The following TRPS1 variants were observed in gnomAD, a reference collection of about 807,000 sequenced individuals.
TRPS1 encodes the protein transcriptional repressor GATA binding 1, also known as zinc finger transcription factor Trps1.
In TRPS1, 6 loss-of-function variants were observed where a neutral mutation model predicts 101.2. The ratio of observed to expected loss-of-function variants is 0.06; its 90% CI spans 0.03 to 0.12. TRPS1 has a LOEUF of 0.12. Ranked by LOEUF, TRPS1 falls within the 10% of genes least tolerant of loss-of-function variation. The pLI, the probability that TRPS1 is intolerant of heterozygous loss-of-function variation, is 1.00. For synonymous variants in TRPS1, 578 were observed against 589.8 expected (o/e 0.98, Z 0.29); for missense variants, 1,363 against 1,567.0 (o/e 0.87, Z 2.20).
At chr8:115,608,197 T>C (rs887570314) in intron 3 of TRPS1, among the ~76,000 whole-genome samples, 2 of 152,176 alleles carry the variant, frequency 1.3e-5, no homozygotes, top group Admixed American at 6.5e-5. Context: ...AGCAGAGCTT[T>C]CAAACTTCCT....
At chr8:115,663,750 T>G (rs972091842) in intron 1 of TRPS1, among the ~76,000 whole-genome samples, 1 of 144,518 alleles carries the variant, frequency 6.9e-6, no homozygotes, top group Non-Finnish European at 1.5e-5. Context: ...AAAACTGGGA[T>G]AGCAAAAAGT....
At chr8:115,480,655 A>G (rs1229498713) in intron 5 of TRPS1, among the ~76,000 whole-genome samples, 1 of 152,086 alleles carries the variant, frequency 6.6e-6, no homozygotes, top group Non-Finnish European at 1.5e-5. Context: ...AAGAATGCAT[A>G]TATTATATTC....
chr8:115,561,028 A>T (rs1343421226), intron 5 of TRPS1, among the ~76,000 whole-genome samples: 1 of 152,144 alleles, frequency 6.6e-6, no homozygotes, highest in African/African-American at 2.4e-5. Context: ...TAAAGACAAA[A>T]GGAACATTAA....
rs558159715 is a variant in TRPS1, at chr8:115,564,276, G to A, written c.2700+22725C>T. Among the ~76,000 whole-genome samples the A allele has an allele frequency of 3.9e-5, 6 of 152,204 alleles. No individual in the cohort carries two copies. The South Asian group carries it at 8.3e-4, about 21-fold the overall frequency. On this transcript the variant is annotated intron_variant, in intron 5 of 6. Coordinates refer to ENST00000395715, the MANE Select transcript of TRPS1 (RefSeq NM_014112.5). The stretch of plus-strand genomic sequence containing the variant: ...TTGTACACATTGGAAAAGATGTGCC[G>A]TAGCTTTCACAGGGTATTTTTTAAC...
chr8:115,598,748 G>A (rs1817843842), intron 4 of TRPS1, among the ~76,000 whole-genome samples: 1 of 152,160 alleles, frequency 6.6e-6, no homozygotes, highest in African/African-American at 2.4e-5. Context: ...GAAAATACAA[G>A]GTTGACTATT....
At chr8:115,647,535 T>C (rs924658435) in intron 1 of TRPS1, among the ~76,000 whole-genome samples, 1 of 152,188 alleles carries the variant, frequency 6.6e-6, no homozygotes. Flanking sequence ...TTACATAAGG[T>C]AAATTTTGAT....
intron 5 of TRPS1, among the ~76,000 whole-genome samples, chr8:115,448,245 C>A (rs1237235362): frequency 6.6e-6 from 1 of 152,142 alleles, no homozygotes; most frequent in African/African-American, 2.4e-5. Flanking sequence ...GACCACATTG[C>A]TCGTATTGTT....
At chr8:115,531,605 G>T (rs2130265114) in intron 5 of TRPS1, among the ~76,000 whole-genome samples, 1 of 152,308 alleles carries the variant, frequency 6.6e-6, no homozygotes, top group Non-Finnish European at 1.5e-5. Flanking sequence ...GATTAAAGAA[G>T]ACAGGTTAGG....
intron 1 of TRPS1, among the ~76,000 whole-genome samples, chr8:115,665,507 T>C (rs1242243240): frequency 6.6e-6 from 1 of 152,202 alleles, no homozygotes; most frequent in Non-Finnish European, 1.5e-5. Context: ...GGAAGAGATC[T>C]ATATGATGTA....
intron 5 of TRPS1, among the ~76,000 whole-genome samples, chr8:115,480,478 T>C (rs1586316814): frequency 6.6e-6 from 1 of 152,232 alleles, no homozygotes; most frequent in East Asian, 1.9e-4. Flanking sequence ...AGAATAAATG[T>C]TAATAAGGCA....
At chr8:115,545,557 A>G (rs546076549) in intron 5 of TRPS1, among the ~76,000 whole-genome samples, 1 of 152,224 alleles carries the variant, frequency 6.6e-6, no homozygotes, top group Non-Finnish European at 1.5e-5. Context: ...AATGGTGTCA[A>G]TTATTCTACC....
At chr8:115,628,752 C>T (rs976735222) in intron 1 of TRPS1, among the ~76,000 whole-genome samples, 1 of 151,726 alleles carries the variant, frequency 6.6e-6, no homozygotes, top group African/African-American at 2.4e-5. Flanking sequence ...TAAGCTCTGC[C>T]TGGGATTTTA....
chr8:115,450,760 C>T (rs1366831519), intron 5 of TRPS1, among the ~76,000 whole-genome samples: 1 of 152,196 alleles, frequency 6.6e-6, no homozygotes, highest in Non-Finnish European at 1.5e-5. Flanking sequence ...GTGCCTCATT[C>T]TTGCCTCTTC....
At position 115,469,523 on chromosome 8, in the gene TRPS1, G is replaced by A. The variant is rs537311541; in HGVS notation, c.2701-51071C>T. Among the ~76,000 whole-genome samples the A allele has an allele frequency of 9.9e-5, 15 of 152,040 alleles. No individual in the cohort carries two copies. The South Asian group carries it at 2.9e-3, about 29-fold the overall frequency. On this transcript the variant is annotated intron_variant, in intron 5 of 6. Transcript: ENST00000395715. ...TTTTGTTTTTGTTTTTTTTGAGATGGAGTCTGGCTCTGTCACCCAGGCTCG... is the reference window on the plus strand; with the variant it reads ...TTTTGTTTTTGTTTTTTTTGAGATGAAGTCTGGCTCTGTCACCCAGGCTCG...
intron 5 of TRPS1, among the ~76,000 whole-genome samples, chr8:115,438,446 A>G (rs1395061081): frequency 6.6e-6 from 1 of 152,214 alleles, no homozygotes; most frequent in Non-Finnish European, 1.5e-5. Context: ...TTCAGAGGAA[A>G]ATAAAAGAAG....
intron 5 of TRPS1, among the ~76,000 whole-genome samples, chr8:115,478,788 T>A (rs1188991301): frequency 3.3e-5 from 5 of 150,006 alleles, no homozygotes; most frequent in Non-Finnish European, 7.4e-5. Flanking sequence ...TGGGCGAGAG[T>A]GAGACTTGAT....
intron 1 of TRPS1, among the ~76,000 whole-genome samples, chr8:115,638,813 G>GT (rs971783335): frequency 5.3e-5 from 8 of 151,744 alleles, no homozygotes; most frequent in South Asian, 4.2e-4. Context: ...ATTTTACAAA[G>GT]TTTTTTTTAA....
At chr8:115,534,740 A>T (rs1442102850) in intron 5 of TRPS1, among the ~76,000 whole-genome samples, 1 of 152,196 alleles carries the variant, frequency 6.6e-6, no homozygotes, top group African/African-American at 2.4e-5. Context: ...GTAATAATAT[A>T]TGATGCTAAA....
chr8:115,541,942 A>T (rs1816462828), intron 5 of TRPS1, among the ~76,000 whole-genome samples: 1 of 152,200 alleles, frequency 6.6e-6, no homozygotes, highest in Admixed American at 6.5e-5. Context: ...CAGAGAAGCC[A>T]CACAGAGCCC....
Sources: allele counts gnomAD v4.1 joint callset (sites outside exome capture counted in the v4.1 genomes callset), GRCh38; gene constraint gnomAD v4.1.1; transcripts MANE v1.5; gene names NCBI Gene and HGNC (gene_info 2026-07-23, HGNC 2026-07-21).